Variants in SPG11 observed in about 807,000 individuals in gnomAD.
SPG11 encodes spatacsin.
In SPG11, 222 loss-of-function variants were observed where a neutral mutation model predicts 274.0. The observed-to-expected ratio is 0.81, with a 90% CI of 0.73 to 0.91. The LOEUF is 0.91. SPG11 is among the 40% of genes least tolerant of loss of function. The pLI is 0.00. For synonymous variants in SPG11, 1,144 were observed against 1,039.7 expected (o/e 1.10, Z -1.93); for missense variants, 3,114 against 2,872.7 (o/e 1.08, Z -1.92).
Position 44,615,510 on chromosome 15 carries a change from A to ATGAG in SPG11, c.2890_2891insCTCA (p.Leu964ProfsTer48). 6.2e-7 allele frequency: 1 copy of ATGAG among 1,614,140 alleles called. No individual in the cohort carries two copies. The highest frequency in any genetic ancestry group is 8.5e-7 in the Non-Finnish European group (1 of 1,180,000). On this transcript the variant is annotated frameshift_variant, in exon 16 of 40. Transcript: ENST00000261866. LOFTEE classifies it high-confidence loss of function. ...CTGTATTACACCTCCAATACGGCTC[A>ATGAG]GTCTTAGGAGGAAGCATTCAAAGTC...
rs574537561 is a variant in SPG11 at position 44,566,120 on chromosome 15, C to T, written c.6843+97G>A. 12 of 1,586,784 alleles carry T rather than the reference C, an allele frequency of 7.6e-6. No homozygotes were observed. In the South Asian group the frequency reaches 1.3e-4, roughly 18 times the overall value. ...CTGTTCCTGGTTGGCCTATGATGCC[C>T]TCCCGCTTCACCTGGAAAGAGCCCA... On this transcript the variant is annotated intron_variant, in intron 37 of 39. Transcript: ENST00000261866.
At position 44,615,503 on chromosome 15, in the gene SPG11, ACGGCT is replaced by A; in HGVS notation, c.2893_2897del (p.Ser965TyrfsTer44). ...GGGTATCCTGTATTACACCTCCAAT[ACGGCT>A]CAGTCTTAGGAGGAAGCATTCAAAG... On this transcript the variant is annotated frameshift_variant, in exon 16 of 40. Coordinates refer to ENST00000261866, the MANE Select transcript of SPG11 (RefSeq NM_025137.4). LOFTEE classifies it high-confidence loss of function. 6.2e-7 allele frequency: 1 copy of A among 1,614,066 alleles called. No homozygotes were observed. Among genetic ancestry groups the A allele is most frequent in the Non-Finnish European group, 8.5e-7 (1 of 1,179,980 alleles).
chr15:44,647,109 C>G (rs374109614), intron 7 of SPG11, among the ~76,000 whole-genome samples: 1 of 152,062 alleles, frequency 6.6e-6, no homozygotes, highest in Non-Finnish European at 1.5e-5. Flanking sequence ...AAAAAGACAA[C>G]CTAATTTGAC....
intron 7 of SPG11, among the ~76,000 whole-genome samples, 184 bp from the exon 8 acceptor site, chr15:44,633,821 C>A (rs138014969): frequency 1.8e-4 from 27 of 152,112 alleles, no homozygotes; most frequent in African/African-American, 6.5e-4. Context: ...TGGGGCAAGA[C>A]TCTGTAACCT....
intron 30 of SPG11, among the ~76,000 whole-genome samples, chr15:44,581,594 T>G (rs1032563969): frequency 1.3e-5 from 2 of 149,630 alleles, no homozygotes; most frequent in African/African-American, 2.5e-5. Context: ...AAAAACTGAT[T>G]ATTAAAAAAA....
At chr15:44,592,559 C>T in intron 26 of SPG11, 121 bp from the exon 27 acceptor site, 1 of 708,528 alleles carries the variant, frequency 1.4e-6, no homozygotes. Flanking sequence ...TGGCTCATGC[C>T]TGTAATGCCA....
intron 17 of SPG11, among the ~76,000 whole-genome samples, chr15:44,612,280 G>A (rs1360482898): frequency 6.6e-6 from 1 of 152,162 alleles, no homozygotes; most frequent in Non-Finnish European, 1.5e-5. Flanking sequence ...ATACAATAGA[G>A]ACTAAGTTTT....
intron 30 of SPG11, among the ~76,000 whole-genome samples, chr15:44,576,074 G>A (rs553042191): frequency 1.8e-3 from 269 of 146,164 alleles, no homozygotes; most frequent in Non-Finnish European, 3.6e-3. Context: ...CCCGGGAGGC[G>A]GAGGTTGCGG....
At chr15:44,605,304 G>A (rs549358359) in intron 20 of SPG11, among the ~76,000 whole-genome samples, 2 of 152,252 alleles carry the variant, frequency 1.3e-5, no homozygotes, top group South Asian at 2.1e-4. Flanking sequence ...CTCTGGGCAC[G>A]AGGTAAATTC....
At chr15:44,597,110 CTTTTTTTT>C in intron 23 of SPG11, 167 bp from the exon 24 acceptor site, 2 of 345,274 alleles carry the variant, frequency 5.8e-6, no homozygotes, top group Non-Finnish European at 5.3e-6. Flanking sequence ...AAAGTAGATT[CTTTTTTTT>C]TTTTTTTTTT....
intron 8 of SPG11, among the ~76,000 whole-genome samples, chr15:44,632,373 T>C (rs577530845): frequency 7.4e-4 from 112 of 152,328 alleles, no homozygotes; most frequent in African/African-American, 2.6e-3. Flanking sequence ...GAAAATATAC[T>C]TTATTACCCT....
chr15:44,595,972 T>C, intron 25 of SPG11, 111 bp downstream of exon 25: 4 of 1,419,224 alleles, frequency 2.8e-6, no homozygotes, highest in Non-Finnish European at 2.9e-6. Context: ...AAACACATGC[T>C]GGAACCTCAC....
At chr15:44,598,977 C>T in intron 21 of SPG11, 141 bp from the exon 22 acceptor site, 1 of 837,038 alleles carries the variant, frequency 1.2e-6, no homozygotes, top group South Asian at 1.5e-5. Flanking sequence ...TTGCCCCTTG[C>T]ACATACCCGT....
chr15:44,610,232 T>G (rs1051146866), intron 18 of SPG11, among the ~76,000 whole-genome samples: 4 of 151,414 alleles, frequency 2.6e-5, no homozygotes, highest in Non-Finnish European at 1.5e-5. Context: ...ATTTTTTTTT[T>G]GTGGAGATGG....
chr15:44,578,149 C>T (rs954258419), intron 30 of SPG11, among the ~76,000 whole-genome samples: 12 of 151,212 alleles, frequency 7.9e-5, no homozygotes, highest in African/African-American at 2.4e-4. Flanking sequence ...CTCAGCCTCC[C>T]GAGGAGCTGG....
At chr15:44,593,557 G>A (rs2082955614) in intron 26 of SPG11, among the ~76,000 whole-genome samples, 1 of 152,086 alleles carries the variant, frequency 6.6e-6, no homozygotes, top group South Asian at 2.1e-4. Context: ...TGTTGCCTGT[G>A]GCACTGATTC....
rs115817440 is a variant in SPG11 at position 44,570,174 on chromosome 15, G to A, written c.6477+351C>T. On this transcript the variant is annotated intron_variant, in intron 34 of 39. Coordinates refer to ENST00000261866, the MANE Select transcript of SPG11 (RefSeq NM_025137.4). ...GGAGGCACATGGGAACTGAGTTGCC[G>A]ACTTACTTCAATTCAGAGATGGGGG... 7.2e-3 allele frequency among the ~76,000 whole-genome samples: 1,089 copies of A among 152,282 alleles called. 16 individuals carry two copies. Among genetic ancestry groups the A allele is most frequent in the African/African-American group, 0.023 (951 of 41,544 alleles).
rs551145482 is a variant in SPG11, at chr15:44,613,747, T to C, written c.3039-211A>G. Among the ~76,000 whole-genome samples, 9 of 152,374 alleles carry C rather than the reference T, an allele frequency of 5.9e-5. No homozygotes were observed. In the East Asian group the frequency reaches 1.2e-3, roughly 20 times the overall value. On this transcript the variant is annotated intron_variant, in intron 16 of 39. Coordinates refer to ENST00000261866, the MANE Select transcript of SPG11 (RefSeq NM_025137.4). Reference sequence around the variant, plus strand: ...AGAGATAGAGATTTTAGAGACATCATATGTTCACTACCATGATGAAATTTA... The same window carrying C: ...AGAGATAGAGATTTTAGAGACATCACATGTTCACTACCATGATGAAATTTA...
At chr15:44,595,932 G>C in intron 25 of SPG11, 151 bp downstream of exon 25, 1 of 1,051,256 alleles carries the variant, frequency 9.5e-7, no homozygotes, top group East Asian at 2.6e-5. Flanking sequence ...GCCTAAGCTA[G>C]AGAAGCACAA....
Sources: allele counts gnomAD v4.1 joint callset (sites outside exome capture counted in the v4.1 genomes callset), GRCh38; gene constraint gnomAD v4.1.1; transcripts MANE v1.5; gene names NCBI Gene and HGNC (gene_info 2026-07-23, HGNC 2026-07-21).